ATG2B: variants seen among roughly 807,000 people sequenced by gnomAD.
ATG2B encodes autophagy-related protein 2 homolog B.
ATG2B carries 121 observed loss-of-function variants against 241.3 expected under a neutral mutation model. The observed-to-expected ratio is 0.50, with a 90% CI of 0.43 to 0.58. The LOEUF (loss-of-function observed/expected upper bound fraction) is 0.58. Among genes scored for constraint, ATG2B ranks in the 20% least tolerant of loss-of-function variants. ATG2B has a pLI of 0.00. For synonymous variants in ATG2B, 858 were observed against 876.6 expected, an observed-to-expected ratio of 0.98 and a Z score of 0.37; for missense variants, 2,306 against 2,491.6, an observed-to-expected ratio of 0.93 and a Z score of 1.59.
chr14:96,299,711 C>T (rs1886739006), intron 34 of ATG2B, among the ~76,000 whole-genome samples: 1 of 152,126 alleles, frequency 6.6e-6, no homozygotes. Flanking sequence ...TTACTGCCTG[C>T]CCTAAGGGAA....
In ATG2B at chr14:96,313,447, A is replaced by G; in HGVS notation, c.3643-12T>C. The G allele has an allele frequency of 6.9e-7, 1 of 1,446,498 alleles. No individual in the cohort carries two copies. Among genetic ancestry groups the G allele is most frequent in the Non-Finnish European group, 9.4e-7 (1 of 1,063,892 alleles). 89.6% of individuals were successfully genotyped at this position (1,446,498 alleles called of 1,614,324 possible). A position where few individuals can be genotyped will look rare whatever the true frequency, so the allele number is the denominator to read the frequency against. ...AAGAAGTATAAAATCTATAATCACA[A>G]AAAATTAAAACGCCCTGCTTTAGAA... On this transcript the variant is annotated splice_polypyrimidine_tract_variant and intron_variant, in intron 23 of 41. Coordinates refer to ENST00000359933, the MANE Select transcript of ATG2B (RefSeq NM_018036.7).
chr14:96,289,590 T>C lies in ATG2B; in HGVS notation c.6006+66A>G. 1 of 1,573,022 alleles carries C rather than the reference T, an allele frequency of 6.4e-7. No individual in the cohort carries two copies. Among genetic ancestry groups the C allele is most frequent in the Non-Finnish European group, 8.6e-7 (1 of 1,156,502 alleles). ...AGAATACATTTAAGCCATTAAATGC[T>C]CTTTAGGTGAAAGTTGGGAAAGCGC... On this transcript the variant is annotated intron_variant, in intron 41 of 41. Transcript: ENST00000359933. The surrounding 1 kb of genome is among the most constrained non-coding windows in gnomAD (Gnocchi z 4.3).
At chr14:96,320,150 C>A (rs897430721) in intron 18 of ATG2B, among the ~76,000 whole-genome samples, 13 of 152,164 alleles carry the variant, frequency 8.5e-5, no homozygotes, top group African/African-American at 2.9e-4. Flanking sequence ...CCCCCAAGTG[C>A]CACAACAACG....
Position 96,316,515 on chromosome 14 carries a change from G to T in ATG2B, c.3361+18C>A. On this transcript the variant is annotated intron_variant, in intron 21 of 41. Transcript: ENST00000359933. ...AACATGTCTAAAGAGAAGAAACCAA[G>T]ACACGTGTTTGTCCTACCTTTATGG... The T allele has an allele frequency of 6.2e-7, 1 of 1,605,422 alleles. No homozygotes were observed. Among genetic ancestry groups the T allele is most frequent in the South Asian group, 1.1e-5 (1 of 88,466 alleles).
intron 29 of ATG2B, among the ~76,000 whole-genome samples, chr14:96,308,259 TATATATATATATATA>T (rs1887036502): frequency 2.5e-4 from 6 of 23,632 alleles, no homozygotes; most frequent in African/African-American, 5.6e-4. Flanking sequence ...TATACACACA[TATATATATATATATA>T]TATATATATT....
chr14:96,340,103 AATATATGAT>A (rs1194837351), intron 6 of ATG2B, among the ~76,000 whole-genome samples: 4 of 103,838 alleles, frequency 3.9e-5, no homozygotes, highest in African/African-American at 9.9e-5. Context: ...TGCTATATAG[AATATATGAT>A]ATATATGAAT....
At position 96,322,251 on chromosome 14, in the gene ATG2B, C is replaced by T; in HGVS notation, c.2740G>A (p.Val914Met). Residue 914 changes from valine to methionine, a missense_variant, in exon 18 of 42, where the codon GTG (valine) becomes ATG (methionine). Physicochemically the swap from Val to Met is conservative, Grantham distance 21 (BLOSUM62 1). Around this residue, in one of 2 missense-constraint regions of ATG2B, gnomAD observed 1,927 missense variants for 2,011.2 expected, o/e 0.96. Coordinates refer to ENST00000359933, the MANE Select transcript of ATG2B (RefSeq NM_018036.7). ...RRVMFENEQM[V>M]MPGDPVEMTE... ...ATTTCTACAGGGTCTCCTGGCATCACCATCTAAAACATAATAGTTCAGTGC... is the reference window on the plus strand; with the variant it reads ...ATTTCTACAGGGTCTCCTGGCATCATCATCTAAAACATAATAGTTCAGTGC... 1 of 1,587,530 alleles carries T rather than the reference C, an allele frequency of 6.3e-7. No individual in the cohort carries two copies. Among genetic ancestry groups the T allele is most frequent in the East Asian group, 2.3e-5 (1 of 44,004 alleles).
chr14:96,348,378 T>C (rs1179288838), intron 1 of ATG2B, among the ~76,000 whole-genome samples: 1 of 152,018 alleles, frequency 6.6e-6, no homozygotes, highest in Non-Finnish European at 1.5e-5. Flanking sequence ...TACAAAAATA[T>C]AGTTAAAATG....
Position 96,292,074 on chromosome 14 carries a change from A to G in ATG2B, c.5451T>C (p.Val1817=). ...FFREFRFTSE[V]PIRLDYHGKH... ...TGCCATGATAATCAAGTCGAATGGG[A>G]ACTTCTGACGTGAATCTAAATTCTC... Residue 1817 remains valine, a synonymous_variant, in exon 37 of 42, where the codon GTT becomes GTC. Transcript: ENST00000359933. 1 of 1,597,578 alleles carries G rather than the reference A, an allele frequency of 6.3e-7. No individual in the cohort carries two copies. The highest frequency in any genetic ancestry group is 8.5e-7 in the Non-Finnish European group (1 of 1,171,608).
In ATG2B at chr14:96,322,261, CATA is replaced by C. The variant is rs762327441; in HGVS notation, c.2737-10_2737-8del. The stretch of plus-strand genomic sequence containing the variant: ...GGTCTCCTGGCATCACCATCTAAAA[CATA>C]ATAGTTCAGTGCAAAAAAAAAGGCA... On this transcript the variant is annotated splice_polypyrimidine_tract_variant and splice_region_variant and intron_variant, in intron 17 of 41. Transcript: ENST00000359933. The C allele has an allele frequency of 2.5e-6, 4 of 1,581,512 alleles. No homozygotes were observed. Among genetic ancestry groups the C allele is most frequent in the Non-Finnish European group, 3.4e-6 (4 of 1,170,948 alleles).
In ATG2B at chr14:96,289,948, T is replaced by C; in HGVS notation, c.5857-143A>G. ...AAGACACTTCTGCGTATCTGAATTC[T>C]TTACCACAAGAATTGATGACTTTTA... On this transcript the variant is annotated intron_variant, in intron 40 of 41. Transcript: ENST00000359933. This position sits in a 1 kb window ranked among gnomAD's most constrained non-coding sequence, Gnocchi z 4.3. 1 of 918,342 alleles carries C rather than the reference T, an allele frequency of 1.1e-6. No individual in the cohort carries two copies. The highest frequency in any genetic ancestry group is 1.7e-5 in the African/African-American group (1 of 59,666). The allele number at this position is 918,342 out of a possible 1,614,324, so 56.9% of individuals were successfully genotyped here. A position where few individuals can be genotyped will look rare whatever the true frequency, so the allele number is the denominator to read the frequency against.
intron 2 of ATG2B, among the ~76,000 whole-genome samples, chr14:96,345,626 T>G (rs1029190908): frequency 1.3e-5 from 2 of 152,156 alleles, no homozygotes; most frequent in African/African-American, 4.8e-5. Flanking sequence ...TCACAACATG[T>G]TATATTTTAC....
At chr14:96,334,283 C>T in intron 7 of ATG2B, 122 bp downstream of exon 7, 1 of 653,144 alleles carries the variant, frequency 1.5e-6, no homozygotes, top group South Asian at 2.1e-5. Context: ...TTCTTATTTG[C>T]TTCTTTCAAT....
At chr14:96,333,960 C>T (rs922934061) in intron 7 of ATG2B, 87 bp from the exon 8 acceptor site, 6 of 1,136,710 alleles carry the variant, frequency 5.3e-6, no homozygotes, top group Non-Finnish European at 7.8e-6. Context: ...TATGGAACAA[C>T]AATGGCAACT....
chr14:96,289,481 A>G lies in ATG2B; in HGVS notation c.6006+175T>C. On this transcript the variant is annotated intron_variant, in intron 41 of 41. Transcript: ENST00000359933. The surrounding 1 kb of genome is among the most constrained non-coding windows in gnomAD (Gnocchi z 4.3). Reference sequence around the variant, plus strand: ...GTATTCCTGTCAGCCTATTGGTCCCAGACTGGCCCTTTTCCATCACCTCAC... The same window carrying G: ...GTATTCCTGTCAGCCTATTGGTCCCGGACTGGCCCTTTTCCATCACCTCAC... 1.4e-6 allele frequency: 1 copy of G among 702,450 alleles called. No individual in the cohort carries two copies. The highest frequency in any genetic ancestry group is 2.4e-6 in the Non-Finnish European group (1 of 422,940). The allele number at this position is 702,450 out of a possible 1,614,324, so 43.5% of individuals were successfully genotyped here. A position where few individuals can be genotyped will look rare whatever the true frequency, so the allele number is the denominator to read the frequency against.
At chr14:96,295,344 G>A (rs748718788) in intron 35 of ATG2B, 138 bp downstream of exon 35, 24 of 847,902 alleles carry the variant, frequency 2.8e-5, no homozygotes, top group Admixed American at 9.0e-5. Flanking sequence ...CAGTATTCGC[G>A]AATCAACAAA....
chr14:96,328,140 T>C (rs974559235), intron 14 of ATG2B, among the ~76,000 whole-genome samples: 2 of 152,176 alleles, frequency 1.3e-5, no homozygotes, highest in African/African-American at 4.8e-5. Flanking sequence ...AATGACCACA[T>C]AACATTTCAT....
At chr14:96,325,171 TACA>T (rs573717630) in intron 15 of ATG2B, among the ~76,000 whole-genome samples, 3 of 152,222 alleles carry the variant, frequency 2.0e-5, no homozygotes, top group South Asian at 4.1e-4. Flanking sequence ...TGCCATTGAC[TACA>T]ACATGATCTT....
At chr14:96,336,425 A>C (rs1234375987) in intron 6 of ATG2B, among the ~76,000 whole-genome samples, 1 of 152,226 alleles carries the variant, frequency 6.6e-6, no homozygotes, top group Middle Eastern at 3.2e-3. Context: ...CTCTATAGGC[A>C]AGGGTAGTAC....
Sources: gnomAD v4.1 joint callset for allele counts (sites outside exome capture counted in the v4.1 genomes callset) on GRCh38, gnomAD v4.1.1 for gene constraint, gnomAD v4.1.1 regional missense constraint, Gnocchi (gnomAD v3.1) non-coding constraint, MANE v1.5 for transcripts, NCBI Gene and HGNC (gene_info 2026-07-23, HGNC 2026-07-21) for gene names.